Variants in PDK3 observed in about 807,000 individuals in gnomAD.
The protein encoded by PDK3 is pyruvate dehydrogenase kinase 3.
PDK3 carries 12 observed loss-of-function variants against 32.0 expected under a neutral mutation model. The observed-to-expected ratio is 0.37, with a 90% CI of 0.24 to 0.61. The LOEUF (loss-of-function observed/expected upper bound fraction) is 0.61, where lower values mean the gene tolerates loss of function less well. Ranked by LOEUF, PDK3 falls within the 20% of genes least tolerant of loss-of-function variation. The pLI, the probability that PDK3 is intolerant of heterozygous loss-of-function variation, is 0.65. For synonymous variants in PDK3, 122 were observed against 116.3 expected (o/e 1.05, Z -0.31); for missense variants, 188 against 316.9 (o/e 0.59, Z 3.09).
chrX:24,546,906 G>A (rs1923008560), exon 12 of PDK3: 1 of 112,761 alleles, frequency 8.9e-6, no homozygotes, highest in South Asian at 3.7e-4. Context: ...ATAGTTACGT[G>A]CCTGCATTAA....
At chrX:24,540,202 G>A (rs948211042) in exon 12 of PDK3, among the ~76,000 whole-genome samples, 2 of 111,984 alleles carry the variant, frequency 1.8e-5, no homozygotes, top group Admixed American at 9.5e-5. Context: ...ATTAGCAGAC[G>A]ATTTGGGATA....
intron 1 of PDK3, among the ~76,000 whole-genome samples, chrX:24,490,793 C>T (rs1411478843): frequency 9.0e-6 from 1 of 111,420 alleles, no homozygotes; most frequent in Admixed American, 9.6e-5. Flanking sequence ...CTATGGCCAC[C>T]TCACACCTGC....
At chrX:24,486,471 A>G (rs1314730092) in intron 1 of PDK3, among the ~76,000 whole-genome samples, 6 of 111,317 alleles carry the variant, frequency 5.4e-5, no homozygotes, top group Non-Finnish European at 1.1e-4. Context: ...TGCTGTCTAA[A>G]TTCCTGACTC....
downstream of PDK3, among the ~76,000 whole-genome samples, chrX:24,537,275 C>G (rs1004208866): frequency 1.0e-5 from 1 of 97,980 alleles, no homozygotes; most frequent in African/African-American, 3.8e-5. Context: ...AGCCACCACG[C>G]CTGGCTATTT....
chrX:24,533,904 G>C, intron 10 of PDK3, 25 bp from the exon 11 acceptor site: 1 of 1,172,332 alleles, frequency 8.5e-7, no homozygotes, highest in African/African-American at 1.8e-5. Flanking sequence ...TCGACCTTTG[G>C]TGTATATTTT....
At chrX:24,471,608 G>A (rs936493186) in intron 1 of PDK3, among the ~76,000 whole-genome samples, 7 of 112,153 alleles carry the variant, frequency 6.2e-5, no homozygotes, top group Non-Finnish European at 1.1e-4. Context: ...TGTTATTTAG[G>A]TTTTGTGTAA....
chrX:24,544,551 T>C (rs1922957523), exon 12 of PDK3, among the ~76,000 whole-genome samples: 1 of 112,204 alleles, frequency 8.9e-6, no homozygotes, highest in Non-Finnish European at 1.9e-5. Context: ...AGTCCTGTTT[T>C]GCCAAGTTAA....
At chrX:24,531,432 A>G (rs1922647825) in intron 9 of PDK3, among the ~76,000 whole-genome samples, 2 of 112,580 alleles carry the variant, frequency 1.8e-5, no homozygotes, top group African/African-American at 6.5e-5. Flanking sequence ...AAAAATTAGA[A>G]TATTTCTATT....
At position 24,486,757 on chromosome X, in the gene PDK3, A is replaced by G. The variant is rs764289329; in HGVS notation, c.107-7985A>G. ...GCGATCCTCCTGCCTCAGTCTCCTA[A>G]GTAGCTGGAACTATAGTCACGCACC... On this transcript the variant is annotated intron_variant, in intron 1 of 10. Coordinates refer to ENST00000379162, the MANE Select transcript of PDK3 (RefSeq NM_005391.5). 6.3e-5 allele frequency among the ~76,000 whole-genome samples: 7 copies of G among 111,168 alleles called. No individual in the cohort carries two copies. The South Asian group carries it at 2.7e-3, about 43-fold the overall frequency.
At chrX:24,474,322 G>A (rs1483077194) in intron 1 of PDK3, among the ~76,000 whole-genome samples, 1 of 111,431 alleles carries the variant, frequency 9.0e-6, no homozygotes, top group East Asian at 2.8e-4. Context: ...TGGCATGCCT[G>A]ACTCCATATC....
chrX:24,487,754 C>A (rs915181336), intron 1 of PDK3, among the ~76,000 whole-genome samples: 4 of 109,553 alleles, frequency 3.7e-5, no homozygotes, highest in Non-Finnish European at 7.6e-5. Flanking sequence ...AAACCACCCC[C>A]CAACCCCCAC....
intron 5 of PDK3, among the ~76,000 whole-genome samples, chrX:24,510,122 CTT>C (rs1349221407): frequency 2.7e-5 from 3 of 111,898 alleles, no homozygotes; most frequent in African/African-American, 9.7e-5. Context: ...TCACAAGTAT[CTT>C]TAAGTTTATT....
Position 24,496,229 on chromosome X carries a change from A to G in PDK3, c.248+1346A>G, listed in dbSNP as rs933954732. ...TCACGTAGATTCACTAATTGTTAAC[A>G]TTGTTAACATTTGGCAACGTTCTAC... On this transcript the variant is annotated intron_variant, in intron 2 of 10. Transcript: ENST00000379162. Among the ~76,000 whole-genome samples, 4 of 110,485 alleles carry G rather than the reference A, an allele frequency of 3.6e-5. No individual in the cohort carries two copies. In the East Asian group the frequency reaches 1.1e-3, roughly 31 times the overall value.
chrX:24,500,073 C>T (rs1921814992), intron 3 of PDK3, among the ~76,000 whole-genome samples: 2 of 111,450 alleles, frequency 1.8e-5, no homozygotes, highest in South Asian at 7.5e-4. Flanking sequence ...GGGCTGACCA[C>T]TGTAGCTCCA....
downstream of PDK3, among the ~76,000 whole-genome samples, chrX:24,537,018 T>C (rs1173257701): frequency 9.0e-6 from 1 of 111,386 alleles, no homozygotes; most frequent in African/African-American, 3.3e-5. Context: ...TTTGAAAGCT[T>C]TTCTTGCCCA....
At chrX:24,500,229 C>T (rs1214214811) in intron 3 of PDK3, among the ~76,000 whole-genome samples, 1 of 110,666 alleles carries the variant, frequency 9.0e-6, no homozygotes, top group African/African-American at 3.3e-5. Context: ...AGAAATAATA[C>T]AAAATTTTAA....
chrX:24,495,578 G>T (rs1488992260), intron 2 of PDK3, among the ~76,000 whole-genome samples: 1 of 112,378 alleles, frequency 8.9e-6, no homozygotes, highest in African/African-American at 3.2e-5. Flanking sequence ...TACAATTCAG[G>T]AACAGCCACA....
At chrX:24,519,693 A>G (rs1178258578) in intron 6 of PDK3, among the ~76,000 whole-genome samples, 1 of 111,985 alleles carries the variant, frequency 8.9e-6, no homozygotes, top group Non-Finnish European at 1.9e-5. Flanking sequence ...TTGTCTTTCA[A>G]AATGACAGTG....
intron 1 of PDK3, among the ~76,000 whole-genome samples, chrX:24,480,973 ATGT>A (rs1921238536): frequency 8.9e-6 from 1 of 111,792 alleles, no homozygotes; most frequent in South Asian, 3.7e-4. Flanking sequence ...TTTATCCAAA[ATGT>A]TGTTGGAGGC....
Sources: allele counts gnomAD v4.1 joint callset (sites outside exome capture counted in the v4.1 genomes callset), GRCh38; gene constraint gnomAD v4.1.1; transcripts MANE v1.5; gene names NCBI Gene and HGNC (gene_info 2026-07-23, HGNC 2026-07-21).